The following XPR1 variants were observed in gnomAD, a reference collection of about 807,000 sequenced individuals.
XPR1 encodes xenotropic and polytropic retrovirus receptor 1.
In XPR1, 28 loss-of-function variants were observed where a neutral mutation model predicts 87.5. The ratio of observed to expected loss-of-function variants is 0.32; its 90% CI spans 0.24 to 0.44. The LOEUF (loss-of-function observed/expected upper bound fraction) is 0.44, where lower values mean the gene tolerates loss of function less well. Among genes scored for constraint, XPR1 ranks in the 20% least tolerant of loss-of-function variants. XPR1 has a pLI of 1.00. For missense variants in XPR1, 559 were observed against 862.3 expected, an observed-to-expected ratio of 0.65 and a Z score of 4.41; for synonymous variants, 300 against 306.1, an observed-to-expected ratio of 0.98 and a Z score of 0.21.
intron 1 of XPR1, among the ~76,000 whole-genome samples, chr1:180,660,036 A>G (rs1253257264): frequency 1.3e-5 from 2 of 151,898 alleles, no homozygotes; most frequent in African/African-American, 2.4e-5. Flanking sequence ...TACAGCTTCA[A>G]TCTTCTTACT....
intron 2 of XPR1, among the ~76,000 whole-genome samples, chr1:180,698,971 T>C (rs1044792143): frequency 1.3e-5 from 2 of 152,220 alleles, no homozygotes; most frequent in Non-Finnish European, 2.9e-5. Context: ...ATAGTTTGAC[T>C]ATAATATGCT....
chr1:180,826,892 G>A (rs1420502851), intron 9 of XPR1, among the ~76,000 whole-genome samples: 2 of 151,736 alleles, frequency 1.3e-5, no homozygotes, highest in African/African-American at 2.4e-5. Context: ...AGTGGCTCAC[G>A]CCTGTCGTCC....
chr1:180,865,287 A>G (rs1652350172), intron 12 of XPR1, among the ~76,000 whole-genome samples: 1 of 152,224 alleles, frequency 6.6e-6, no homozygotes, highest in Non-Finnish European at 1.5e-5. Flanking sequence ...GAAAATTAAT[A>G]ATCAGAGAGT....
chr1:180,863,751 T>C lies in XPR1; in HGVS notation c.1545T>C (p.Ile515=). 6.2e-7 allele frequency: 1 copy of C among 1,607,102 alleles called. No homozygotes were observed. The highest frequency in any genetic ancestry group is 1.1e-5 in the South Asian group (1 of 89,700). ...SDTMVFFYLW[I]VFYIISSCYT... is the part of the protein sequence containing the mutation. The stretch of plus-strand genomic sequence containing the variant: ...CTATGGTGTTCTTTTACCTGTGGAT[T>C]GTCTTTTATATCATCAGTTCCTGCT... Residue 515 remains isoleucine, a synonymous_variant, in exon 12 of 15, where the codon ATT becomes ATC. Coordinates refer to ENST00000367590, the MANE Select transcript of XPR1 (RefSeq NM_004736.4).
intron 2 of XPR1, among the ~76,000 whole-genome samples, chr1:180,748,931 G>T (rs1647398763): frequency 6.6e-6 from 1 of 152,222 alleles, no homozygotes; most frequent in Admixed American, 6.5e-5. Flanking sequence ...GGACGAGGTG[G>T]CTCACGCCTA....
intron 3 of XPR1, among the ~76,000 whole-genome samples, chr1:180,802,676 C>T (rs1324511896): frequency 6.6e-6 from 1 of 152,186 alleles, no homozygotes; most frequent in East Asian, 1.9e-4. Flanking sequence ...TTAGCAATCA[C>T]TCCCCATTCA....
intron 14 of XPR1, 144 bp downstream of exon 14, chr1:180,880,441 C>T (rs1220888914): frequency 3.7e-6 from 3 of 815,528 alleles, no homozygotes; most frequent in Non-Finnish European, 5.8e-6. Context: ...CAGTAATAAG[C>T]AGCAATTCCA....
chr1:180,719,159 AC>A (rs971438426), intron 2 of XPR1, among the ~76,000 whole-genome samples: 1 of 152,262 alleles, frequency 6.6e-6, no homozygotes, highest in Non-Finnish European at 1.5e-5. Flanking sequence ...ATATATAAAT[AC>A]CAAGGAAATG....
intron 2 of XPR1, among the ~76,000 whole-genome samples, chr1:180,706,049 T>G (rs562555311): frequency 6.6e-6 from 1 of 152,142 alleles, no homozygotes; most frequent in Non-Finnish European, 1.5e-5. Flanking sequence ...CAGGGAAGAT[T>G]TAGTAGAACA....
chr1:180,642,853 A>G (rs188704417), intron 1 of XPR1, among the ~76,000 whole-genome samples: 1 of 152,228 alleles, frequency 6.6e-6, no homozygotes, highest in East Asian at 1.9e-4. Flanking sequence ...GGTGTTTGAA[A>G]TGGGTACTAG....
At chr1:180,829,595 G>A (rs1650981443) in intron 9 of XPR1, among the ~76,000 whole-genome samples, 1 of 152,110 alleles carries the variant, frequency 6.6e-6, no homozygotes, top group Admixed American at 6.6e-5. Context: ...ATAATATGGT[G>A]CTATAATTAT....
chr1:180,779,947 T>G (rs1189281853), intron 2 of XPR1, among the ~76,000 whole-genome samples: 2 of 152,202 alleles, frequency 1.3e-5, no homozygotes, highest in African/African-American at 4.8e-5. Flanking sequence ...ACTATCTGGC[T>G]TCTCTCTTAG....
intron 11 of XPR1, among the ~76,000 whole-genome samples, chr1:180,846,437 GTTTA>G (rs145900970): frequency 0.036 from 4,951 of 138,070 alleles, 119 homozygotes; most frequent in African/African-American, 0.074. Flanking sequence ...TTTTGTTTTT[GTTTA>G]TTTATTTATT....
At chr1:180,874,051 C>T in intron 13 of XPR1, 109 bp downstream of exon 13, 2 of 1,289,108 alleles carry the variant, frequency 1.6e-6, no homozygotes, top group Non-Finnish European at 1.0e-6. Flanking sequence ...CTTTAATTTT[C>T]CAACTTTTCT....
intron 2 of XPR1, among the ~76,000 whole-genome samples, chr1:180,784,720 G>T (rs190442320): frequency 1.3e-5 from 2 of 151,852 alleles, no homozygotes; most frequent in Admixed American, 6.6e-5. Context: ...GGTTCACCCA[G>T]CCCTATTGAT....
chr1:180,755,589 T>C (rs1490053623), intron 2 of XPR1, among the ~76,000 whole-genome samples: 2 of 152,176 alleles, frequency 1.3e-5, no homozygotes, highest in Admixed American at 1.3e-4. Context: ...CAATAATCCA[T>C]AAACTAAAAC....
At chr1:180,773,345 T>C (rs1408853559) in intron 2 of XPR1, among the ~76,000 whole-genome samples, 2 of 152,188 alleles carry the variant, frequency 1.3e-5, no homozygotes, top group Non-Finnish European at 2.9e-5. Flanking sequence ...TCAGGATAGC[T>C]ATATAGGTTG....
chr1:180,632,188 G>A lies in XPR1; in HGVS notation c.-14G>A, dbSNP rs762380166. ...GCTGCTGGACCCGAGTGGGAGTGAGGGGGAAACGGCAGGATGAAGTTCGCC... is the reference window on the plus strand; with the variant it reads ...GCTGCTGGACCCGAGTGGGAGTGAGAGGGAAACGGCAGGATGAAGTTCGCC... On this transcript the variant is annotated 5_prime_UTR_variant, in exon 1 of 15. Coordinates refer to ENST00000367590, the MANE Select transcript of XPR1 (RefSeq NM_004736.4). 1.7e-4 allele frequency: 265 copies of A among 1,603,382 alleles called. 2 individuals carry two copies. In the South Asian group the frequency reaches 2.8e-3, roughly 17 times the overall value.
intron 12 of XPR1, among the ~76,000 whole-genome samples, chr1:180,872,741 G>A (rs1419206259): frequency 7.4e-5 from 11 of 148,384 alleles, no homozygotes; most frequent in Middle Eastern, 3.2e-3. Context: ...AGATGAACCC[G>A]GTACCTCAGA....
Sources: allele counts gnomAD v4.1 joint callset (sites outside exome capture counted in the v4.1 genomes callset), GRCh38; gene constraint gnomAD v4.1.1; transcripts MANE v1.5; gene names NCBI Gene and HGNC (gene_info 2026-07-23, HGNC 2026-07-21).